Variants in CCDC30 observed in about 807,000 individuals in gnomAD.
CCDC30 encodes coiled-coil domain containing 30.
In CCDC30, 70 loss-of-function variants were observed where a neutral mutation model predicts 100.2. The observed-to-expected ratio is 0.70, with a 90% CI of 0.58 to 0.85. The LOEUF (loss-of-function observed/expected upper bound fraction) is 0.85. CCDC30 is among the 40% of genes least tolerant of loss of function. CCDC30 has a pLI of 0.00. For synonymous variants in CCDC30, 233 were observed against 269.5 expected (o/e 0.86, Z 1.33); for missense variants, 652 against 771.2 (o/e 0.85, Z 1.83).
intron 6 of CCDC30, among the ~76,000 whole-genome samples, chr1:42,538,160 A>C (rs1419749891): frequency 1.1e-5 from 1 of 89,304 alleles, no homozygotes; most frequent in Non-Finnish European, 3.2e-5. Flanking sequence ...AAAAAAAAAA[A>C]AAAAAAAAAA....
chr1:42,582,417 T>C (rs1408125646), intron 9 of CCDC30, among the ~76,000 whole-genome samples: 3 of 152,098 alleles, frequency 2.0e-5, no homozygotes, highest in African/African-American at 4.8e-5. Flanking sequence ...TTTTTTAAGA[T>C]TGGGAAACAA....
the CCDC30 span, chr1:42,456,871 G>A: frequency 6.2e-7 from 1 of 1,613,386 alleles, no homozygotes; most frequent in East Asian, 2.2e-5. Context: ...AGACTTGGCT[G>A]TCCGCTCTGC....
intron 6 of CCDC30, among the ~76,000 whole-genome samples, chr1:42,499,851 C>A (rs891111957): frequency 6.6e-6 from 1 of 151,588 alleles, no homozygotes; most frequent in Non-Finnish European, 1.5e-5. Flanking sequence ...TAATTAAAAT[C>A]ATTTGAACAA....
intron 11 of CCDC30, among the ~76,000 whole-genome samples, chr1:42,615,879 G>A (rs984134107): frequency 3.3e-5 from 5 of 151,876 alleles, no homozygotes; most frequent in Admixed American, 2.6e-4. Context: ...CTTATAGACA[G>A]AAATTACTTG....
At chr1:42,502,920 G>A (rs923257374) in intron 6 of CCDC30, among the ~76,000 whole-genome samples, 1 of 152,120 alleles carries the variant, frequency 6.6e-6, no homozygotes, top group African/African-American at 2.4e-5. Context: ...TTTTGAGACA[G>A]GGTCTCACTC....
At chr1:42,529,402 A>G (rs1225614387) in intron 6 of CCDC30, among the ~76,000 whole-genome samples, 1 of 152,070 alleles carries the variant, frequency 6.6e-6, no homozygotes, top group African/African-American at 2.4e-5. Context: ...AAACCAGAAG[A>G]CAGAGGTTGC....
chr1:42,641,965 C>A (rs1647443945), intron 12 of CCDC30, among the ~76,000 whole-genome samples: 1 of 152,252 alleles, frequency 6.6e-6, no homozygotes, highest in East Asian at 1.9e-4. Flanking sequence ...GTGGCTCACG[C>A]CTGTAATCCC....
At chr1:42,498,199 C>T (rs1004027574) in intron 5 of CCDC30, among the ~76,000 whole-genome samples, 8 of 152,116 alleles carry the variant, frequency 5.3e-5, no homozygotes, top group African/African-American at 1.9e-4. Flanking sequence ...TATGTGATTA[C>T]ACTTATATGG....
intron 6 of CCDC30, among the ~76,000 whole-genome samples, chr1:42,522,183 C>G (rs72659943): frequency 2.0e-5 from 3 of 151,794 alleles, no homozygotes; most frequent in African/African-American, 7.3e-5. Flanking sequence ...ATTTTATTGT[C>G]ATATTGTTAT....
chr1:42,468,613 A>G (rs1202534261), intron 1 of CCDC30: 4 of 152,256 alleles, frequency 2.6e-5, no homozygotes, highest in African/African-American at 4.8e-5. Context: ...ACTCACCTGT[A>G]TTTGTTCCAA....
At chr1:42,623,638 T>C (rs1166067584) in intron 11 of CCDC30, among the ~76,000 whole-genome samples, 1 of 152,202 alleles carries the variant, frequency 6.6e-6, no homozygotes, top group Non-Finnish European at 1.5e-5. Flanking sequence ...TTATCATAGC[T>C]CTGTGTATAA....
chr1:42,519,129 A>G (rs1340571976), intron 6 of CCDC30, among the ~76,000 whole-genome samples: 1 of 152,198 alleles, frequency 6.6e-6, no homozygotes, highest in Non-Finnish European at 1.5e-5. Context: ...CCAGGACTGA[A>G]TTCTACTTGG....
chr1:42,635,285 A>G (rs1647129587), intron 11 of CCDC30, among the ~76,000 whole-genome samples: 1 of 151,876 alleles, frequency 6.6e-6, no homozygotes, highest in South Asian at 2.1e-4. Context: ...ACCTCAAGTG[A>G]TCCACCTGCC....
intron 11 of CCDC30, among the ~76,000 whole-genome samples, chr1:42,630,014 G>T (rs1208592131): frequency 2.8e-5 from 3 of 109,058 alleles, no homozygotes; most frequent in Non-Finnish European, 5.2e-5. Flanking sequence ...TGGCTCTGTT[G>T]CCCATGCTGG....
chr1:42,531,535 T>C (rs1644806076), intron 6 of CCDC30, among the ~76,000 whole-genome samples: 1 of 152,040 alleles, frequency 6.6e-6, no homozygotes, highest in African/African-American at 2.4e-5. Context: ...CCAAGGCAGG[T>C]AGATCACTTG....
chr1:42,507,025 C>T (rs916913649), intron 6 of CCDC30, among the ~76,000 whole-genome samples: 1 of 152,096 alleles, frequency 6.6e-6, no homozygotes, highest in Admixed American at 6.6e-5. Flanking sequence ...CTCTCAGATT[C>T]GAGTGATTCT....
At chr1:42,546,342 G>A (rs1352403777) in intron 6 of CCDC30, among the ~76,000 whole-genome samples, 14 of 137,458 alleles carry the variant, frequency 1.0e-4, no homozygotes, top group Non-Finnish European at 1.4e-4. Flanking sequence ...CCGAGATCAC[G>A]CCATTGCACT....
the CCDC30 span, chr1:42,456,752 G>C: frequency 6.2e-7 from 1 of 1,611,646 alleles, no homozygotes; most frequent in Non-Finnish European, 8.5e-7. Context: ...CTTCAGCAGC[G>C]GGCGGCGCGG....
chr1:42,610,961 T>A lies in CCDC30; in HGVS notation c.1165-17T>A, dbSNP rs770856417. On this transcript the variant is annotated splice_polypyrimidine_tract_variant and intron_variant, in intron 10 of 16. Coordinates refer to ENST00000668663, the Ensembl canonical transcript of CCDC30. ...TTTGTCAGGTCAGAGTTCTCATTAT[T>A]TTTCAATGTTTTTCAGCATGTCAAA... The A allele has an allele frequency of 7.3e-7, 1 of 1,376,576 alleles. No individual in the cohort carries two copies. 85.3% of individuals were successfully genotyped at this position (1,376,576 alleles called of 1,614,324 possible).
Sources: allele counts gnomAD v4.1 joint callset (sites outside exome capture counted in the v4.1 genomes callset), GRCh38; gene constraint gnomAD v4.1.1; transcripts MANE v1.5; gene names NCBI Gene and HGNC (gene_info 2026-07-23, HGNC 2026-07-21).